Variants in TMEM200A observed in about 807,000 individuals in gnomAD.
TMEM200A encodes two transmembrane C.
TMEM200A carries 12 observed loss-of-function variants against 24.3 expected under a neutral mutation model. That is an observed-to-expected ratio of 0.49 (90% CI 0.32 to 0.80). TMEM200A has a LOEUF of 0.80. Ranked by LOEUF, TMEM200A falls within the 30% of genes least tolerant of loss-of-function variation. The probability of loss-of-function intolerance (pLI) is 0.04; values close to 1 mark genes in which losing one functional copy is unlikely to be tolerated. For synonymous variants in TMEM200A, 224 were observed against 224.4 expected (o/e 1.00, Z 0.02); for missense variants, 545 against 614.4 (o/e 0.89, Z 1.19).
chr6:130,426,460 G>GCGC (rs1554284273), intron 2 of TMEM200A, among the ~76,000 whole-genome samples: 2 of 141,346 alleles, frequency 1.4e-5, no homozygotes, highest in South Asian at 2.4e-4. Context: ...CCTTTCTGCA[G>GCGC]CCCCCCCCCC....
At chr6:130,420,900 A>C (rs1180440560) in intron 2 of TMEM200A, among the ~76,000 whole-genome samples, 2 of 152,058 alleles carry the variant, frequency 1.3e-5, no homozygotes, top group African/African-American at 4.8e-5. Flanking sequence ...GGCTGTGACC[A>C]CTGGGCAAGC....
At chr6:130,371,767 A>G (rs1456426838) in intron 1 of TMEM200A, among the ~76,000 whole-genome samples, 2 of 152,228 alleles carry the variant, frequency 1.3e-5, no homozygotes, top group Non-Finnish European at 2.9e-5. Flanking sequence ...TGGGCAGATC[A>G]ATAGAACAAC....
At chr6:130,400,599 A>T (rs188390302) in intron 2 of TMEM200A, among the ~76,000 whole-genome samples, 1 of 151,612 alleles carries the variant, frequency 6.6e-6, no homozygotes, top group African/African-American at 2.4e-5. Flanking sequence ...GTTTCAATGG[A>T]CATGTTTATT....
At chr6:130,428,239 A>G (rs1014024582) in intron 2 of TMEM200A, among the ~76,000 whole-genome samples, 3 of 152,188 alleles carry the variant, frequency 2.0e-5, no homozygotes, top group Non-Finnish European at 4.4e-5. Context: ...GTCCTTAGAT[A>G]CATGTGTTTT....
chr6:130,382,310 A>G (rs1451933686), intron 1 of TMEM200A, among the ~76,000 whole-genome samples: 1 of 152,150 alleles, frequency 6.6e-6, no homozygotes, highest in Non-Finnish European at 1.5e-5. Context: ...TTCGGCTCGC[A>G]CTTGCCTCTC....
chr6:130,365,880 C>T, upstream of TMEM200A: 2 of 985,592 alleles, frequency 2.0e-6, no homozygotes, highest in Non-Finnish European at 2.4e-6. Flanking sequence ...GGGTTTCCCA[C>T]AGGTTTTGGG....
chr6:130,377,133 A>C (rs1007877232), intron 1 of TMEM200A, among the ~76,000 whole-genome samples: 1 of 152,230 alleles, frequency 6.6e-6, no homozygotes, highest in Admixed American at 6.5e-5. Flanking sequence ...CTAGAGAGCC[A>C]TTGGGTAATA....
chr6:130,442,325 T>G lies in TMEM200A; in HGVS notation c.*427T>G, dbSNP rs193013896. The stretch of plus-strand genomic sequence containing the variant: ...TATAGATGACTATGAGTGCAAACCT[T>G]AGGATGTGATTTTCTGAATAATTGT... On this transcript the variant is annotated 3_prime_UTR_variant, in exon 3 of 3. Transcript: ENST00000296978. The G allele has an allele frequency of 6.0e-6, 1 of 167,766 alleles. No individual in the cohort carries two copies. The highest frequency in any genetic ancestry group is 1.9e-4 in the East Asian group (1 of 5,210). The allele number at this position is 167,766 out of a possible 1,614,324, so 10.4% of individuals were successfully genotyped here. A position where few individuals can be genotyped will look rare whatever the true frequency, so the allele number is the denominator to read the frequency against.
At chr6:130,394,728 C>T (rs888995116) in intron 2 of TMEM200A, among the ~76,000 whole-genome samples, 3 of 152,196 alleles carry the variant, frequency 2.0e-5, no homozygotes, top group Non-Finnish European at 4.4e-5. Flanking sequence ...TCTGGAGCTT[C>T]CAGTAGGCAT....
At chr6:130,422,626 G>A (rs927053492) in intron 2 of TMEM200A, among the ~76,000 whole-genome samples, 1 of 152,052 alleles carries the variant, frequency 6.6e-6, no homozygotes, top group African/African-American at 2.4e-5. Context: ...ATTTCTCCTT[G>A]GGATATCATA....
chr6:130,423,111 AG>A (rs1562567732), intron 2 of TMEM200A, among the ~76,000 whole-genome samples: 8 of 152,210 alleles, frequency 5.3e-5, no homozygotes, highest in Non-Finnish European at 1.2e-4. Flanking sequence ...AATACTTAAT[AG>A]ATGAGGAAAA....
intron 2 of TMEM200A, among the ~76,000 whole-genome samples, chr6:130,422,733 A>G (rs1454512545): frequency 1.3e-5 from 2 of 152,208 alleles, no homozygotes; most frequent in African/African-American, 2.4e-5. Flanking sequence ...AGAAGGCCTT[A>G]GAGAGGGTTT....
At chr6:130,376,501 T>G (rs888563822) in intron 1 of TMEM200A, among the ~76,000 whole-genome samples, 2 of 152,210 alleles carry the variant, frequency 1.3e-5, no homozygotes, top group African/African-American at 4.8e-5. Flanking sequence ...CAGGCTGGGC[T>G]TGAACTCCTG....
In TMEM200A at chr6:130,414,323, T is replaced by G. The variant is rs542256706; in HGVS notation, c.-16-26084T>G. 1.6e-3 allele frequency among the ~76,000 whole-genome samples: 246 copies of G among 149,634 alleles called. 1 individual carries two copies. Among genetic ancestry groups the G allele is most frequent in the African/African-American group, 5.8e-3 (236 of 40,530 alleles). On this transcript the variant is annotated intron_variant, in intron 2 of 2. Transcript: ENST00000296978. ...GTTGGGCGCCTGTAATCCCAGCTACTAGGGAGGCCGAGGCAGGAGAATCAC... is the reference window on the plus strand; with the variant it reads ...GTTGGGCGCCTGTAATCCCAGCTACGAGGGAGGCCGAGGCAGGAGAATCAC...
intron 2 of TMEM200A, among the ~76,000 whole-genome samples, chr6:130,434,051 C>T (rs986931184): frequency 9.9e-5 from 15 of 152,142 alleles, no homozygotes; most frequent in African/African-American, 3.6e-4. Flanking sequence ...ATGTTTATTT[C>T]TACTGTTTTC....
chr6:130,372,335 C>T (rs940419799), intron 1 of TMEM200A, among the ~76,000 whole-genome samples: 4 of 152,016 alleles, frequency 2.6e-5, no homozygotes, highest in Non-Finnish European at 5.9e-5. Context: ...TTATATCTGG[C>T]TTTGGCAGAA....
chr6:130,433,101 G>A (rs184260608), intron 2 of TMEM200A, among the ~76,000 whole-genome samples: 68 of 151,842 alleles, frequency 4.5e-4, no homozygotes, highest in Admixed American at 4.2e-3. Context: ...CAGTGGCCAC[G>A]TGAAAAACAA....
At chr6:130,426,414 G>A (rs1779740138) in intron 2 of TMEM200A, among the ~76,000 whole-genome samples, 1 of 151,846 alleles carries the variant, frequency 6.6e-6, no homozygotes, top group South Asian at 2.1e-4. Flanking sequence ...TCATCTTTAT[G>A]AGGAGATGAA....
intron 1 of TMEM200A, among the ~76,000 whole-genome samples, chr6:130,384,419 C>T (rs1778667253): frequency 1.3e-5 from 2 of 152,272 alleles, no homozygotes; most frequent in East Asian, 1.9e-4. Context: ...TCAAGTAATC[C>T]TCCTGTCTCA....
Sources: gnomAD v4.1 joint callset for allele counts (sites outside exome capture counted in the v4.1 genomes callset) on GRCh38, gnomAD v4.1.1 for gene constraint, MANE v1.5 for transcripts, NCBI Gene and HGNC (gene_info 2026-07-23, HGNC 2026-07-21) for gene names.